The following CNNM2 variants were observed in gnomAD, a reference collection of about 807,000 sequenced individuals.
CNNM2 encodes cyclin and CBS domain divalent metal cation transport mediator 2.
Under a neutral mutation model 66.9 loss-of-function variants are expected in CNNM2, and 12 were observed. That is an observed-to-expected ratio of 0.18 (90% CI 0.11 to 0.29). The LOEUF (loss-of-function observed/expected upper bound fraction) is 0.29. Among genes scored for constraint, CNNM2 ranks in the 10% least tolerant of loss-of-function variants. The probability of loss-of-function intolerance (pLI) is 1.00; values close to 1 mark genes in which losing one functional copy is unlikely to be tolerated. For missense variants in CNNM2, 705 were observed against 1,167.7 expected (o/e 0.60, Z 5.77); for synonymous variants, 557 against 501.8 (o/e 1.11, Z -1.47).
intron 1 of CNNM2, among the ~76,000 whole-genome samples, chr10:103,010,158 C>T (rs987137745): frequency 3.3e-5 from 5 of 151,706 alleles, no homozygotes; most frequent in East Asian, 3.8e-4. Context: ...ATTTCAATAA[C>T]GTAATATAGA....
At chr10:103,014,046 A>G (rs1015007989) in intron 1 of CNNM2, among the ~76,000 whole-genome samples, 1 of 152,240 alleles carries the variant, frequency 6.6e-6, no homozygotes, top group Non-Finnish European at 1.5e-5. Context: ...TTCTGACTGT[A>G]TAAAATCTTG....
chr10:103,061,461 C>G (rs1394359308), intron 4 of CNNM2, among the ~76,000 whole-genome samples: 1 of 152,062 alleles, frequency 6.6e-6, no homozygotes, highest in Non-Finnish European at 1.5e-5. Context: ...CAAGATTTGG[C>G]TCTTTGAAAA....
intron 4 of CNNM2, among the ~76,000 whole-genome samples, chr10:103,063,270 G>T (rs1020204516): frequency 1.3e-5 from 2 of 152,110 alleles, no homozygotes; most frequent in African/African-American, 4.8e-5. Flanking sequence ...GCTTTGAGTG[G>T]GCATCTTTGG....
chr10:103,004,667 G>C (rs987484431), intron 1 of CNNM2, among the ~76,000 whole-genome samples: 1 of 152,196 alleles, frequency 6.6e-6, no homozygotes, highest in Non-Finnish European at 1.5e-5. Context: ...TTTTAGTAAA[G>C]AATGCCAAAT....
At chr10:102,939,398 A>T (rs1164589517) in intron 1 of CNNM2, among the ~76,000 whole-genome samples, 1 of 152,086 alleles carries the variant, frequency 6.6e-6, no homozygotes, top group East Asian at 1.9e-4. Context: ...AACAGTTACA[A>T]CCCATGACTT....
At chr10:103,060,514 C>T (rs1992171641) in intron 4 of CNNM2, among the ~76,000 whole-genome samples, 2 of 152,150 alleles carry the variant, frequency 1.3e-5, no homozygotes, top group African/African-American at 4.8e-5. Flanking sequence ...CACTGCACTC[C>T]AGCCTGAGGG....
At chr10:103,042,007 T>G (rs961235681) in intron 1 of CNNM2, among the ~76,000 whole-genome samples, 5 of 152,210 alleles carry the variant, frequency 3.3e-5, no homozygotes, top group Non-Finnish European at 5.9e-5. Context: ...AATTCTGGAC[T>G]CTTGTATCTA....
At chr10:103,013,218 C>G (rs2064379096) in intron 1 of CNNM2, among the ~76,000 whole-genome samples, 1 of 152,056 alleles carries the variant, frequency 6.6e-6, no homozygotes, top group Non-Finnish European at 1.5e-5. Context: ...AATCCAGACA[C>G]CTTCAAAGTA....
At chr10:102,996,242 T>C (rs578253527) in intron 1 of CNNM2, among the ~76,000 whole-genome samples, 1 of 152,308 alleles carries the variant, frequency 6.6e-6, no homozygotes, top group African/African-American at 2.4e-5. Context: ...ATTTTTTTTT[T>C]TCTATTGTTT....
chr10:103,077,309 C>A lies in CNNM2; in HGVS notation c.*129C>A, dbSNP rs1367217256. 2 of 787,674 alleles carry A rather than the reference C, an allele frequency of 2.5e-6. No individual in the cohort carries two copies. The highest frequency in any genetic ancestry group is 4.0e-6 in the Non-Finnish European group (2 of 501,830). 48.8% of individuals were successfully genotyped at this position (787,674 alleles called of 1,614,324 possible). ...CCCTGCAACATCCTGAGACCAAAGA[C>A]CTTGTGCCCTTCCCAGGAGCCGCGG... On this transcript the variant is annotated 3_prime_UTR_variant, in exon 8 of 8. Transcript: ENST00000369878.
At chr10:102,920,376 A>G in intron 1 of CNNM2, among the ~76,000 whole-genome samples, 1 of 143,430 alleles carries the variant, frequency 7.0e-6, no homozygotes, top group East Asian at 2.0e-4. Context: ...ACACTTATTT[A>G]TTTTTTTTTT....
Position 103,002,841 on chromosome 10 carries a change from T to G in CNNM2, c.1622-46866T>G, listed in dbSNP as rs77630209. 0.015 allele frequency among the ~76,000 whole-genome samples: 2,257 copies of G among 152,294 alleles called. 56 individuals carry two copies. The highest frequency in any genetic ancestry group is 0.051 in the African/African-American group (2,102 of 41,558). ...ATGGTCTAACTGCTCTGAAATAGTTTGGCAGTTACTCCAAATGCTAAACAT... is the reference window on the plus strand; with the variant it reads ...ATGGTCTAACTGCTCTGAAATAGTTGGGCAGTTACTCCAAATGCTAAACAT... On this transcript the variant is annotated intron_variant, in intron 1 of 7. Transcript: ENST00000369878.
At chr10:102,986,030 C>T (rs191666541) in intron 1 of CNNM2, among the ~76,000 whole-genome samples, 1 of 152,266 alleles carries the variant, frequency 6.6e-6, no homozygotes, top group Admixed American at 6.5e-5. Context: ...CTGTCATGTT[C>T]AGTACCTGTT....
rs1270608868 is a variant in CNNM2 at position 102,979,542 on chromosome 10, A to G, written c.1621+59441A>G. Among the ~76,000 whole-genome samples the G allele has an allele frequency of 2.0e-5, 3 of 152,194 alleles. No individual in the cohort carries two copies. In the East Asian group the frequency reaches 5.8e-4, roughly 29 times the overall value. On this transcript the variant is annotated intron_variant, in intron 1 of 7. Coordinates refer to ENST00000369878, the MANE Select transcript of CNNM2 (RefSeq NM_017649.5). ...ATTTTGCATTATTTTTCCTCGTACT[A>G]CTTACTACTGAGCATGTCTATGTTT...
chr10:103,026,601 CAAAAAAAAA>C lies in CNNM2; in HGVS notation c.1622-23090_1622-23082del, dbSNP rs887780071. ...TAGGGACAGAGTGAGACCTTGTCTTCAAAAAAAAAAAAAAAAAAAAAAAAGGTTTGGAAA... is the reference window on the plus strand; with the variant it reads ...TAGGGACAGAGTGAGACCTTGTCTTCAAAAAAAAAAAAAAAGGTTTGGAAA... On this transcript the variant is annotated intron_variant, in intron 1 of 7. Coordinates refer to ENST00000369878, the MANE Select transcript of CNNM2 (RefSeq NM_017649.5). 4.2e-3 allele frequency among the ~76,000 whole-genome samples: 273 copies of C among 64,932 alleles called. 1 individual carries two copies. Among genetic ancestry groups the C allele is most frequent in the Non-Finnish European group, 6.7e-3 (231 of 34,624 alleles). The allele number at this position is 64,932 out of a possible 152,430, so 42.6% of individuals were successfully genotyped here.
chr10:103,021,746 A>G (rs184227841), intron 1 of CNNM2, among the ~76,000 whole-genome samples: 69 of 142,138 alleles, frequency 4.9e-4, no homozygotes, highest in African/African-American at 1.7e-3. Context: ...TCCTTTTTCT[A>G]TGGACTCTTT....
chr10:103,024,006 C>T (rs2064647240), intron 1 of CNNM2, among the ~76,000 whole-genome samples: 1 of 152,152 alleles, frequency 6.6e-6, no homozygotes, highest in South Asian at 2.1e-4. Context: ...ATTCCATCAT[C>T]ACTCTTAAGA....
chr10:103,054,933 T>G lies in CNNM2; in HGVS notation c.1903+467T>G, dbSNP rs1376589660. Among the ~76,000 whole-genome samples, 3 of 152,228 alleles carry G rather than the reference T, an allele frequency of 2.0e-5. No individual in the cohort carries two copies. Among genetic ancestry groups the G allele is most frequent in the Non-Finnish European group, 4.4e-5 (3 of 68,038 alleles). On this transcript the variant is annotated intron_variant, in intron 3 of 7. Coordinates refer to ENST00000369878, the MANE Select transcript of CNNM2 (RefSeq NM_017649.5). This position sits in a 1 kb window ranked among gnomAD's most constrained non-coding sequence, Gnocchi z 5.2. ...ATCAGTGGTAACACAGGGGCTGTGA[T>G]TTGCAAAGAAGAAAACTAGGTTTTC...
At chr10:103,022,373 CTT>C (rs1410301001) in intron 1 of CNNM2, among the ~76,000 whole-genome samples, 1 of 152,154 alleles carries the variant, frequency 6.6e-6, no homozygotes, top group East Asian at 1.9e-4. Flanking sequence ...TGTTTAAACT[CTT>C]TCTTCTTCAT....
Sources: gnomAD v4.1 joint callset for allele counts (sites outside exome capture counted in the v4.1 genomes callset) on GRCh38, gnomAD v4.1.1 for gene constraint, Gnocchi (gnomAD v3.1) non-coding constraint, MANE v1.5 for transcripts, NCBI Gene and HGNC (gene_info 2026-07-23, HGNC 2026-07-21) for gene names.